PTPRD: variants seen among roughly 807,000 people sequenced by gnomAD.
PTPRD encodes receptor-type tyrosine-protein phosphatase delta.
In PTPRD, 34 loss-of-function variants were observed where a neutral mutation model predicts 214.5. That is an observed-to-expected ratio of 0.16 (90% CI 0.12 to 0.21). PTPRD has a LOEUF of 0.21. Ranked by LOEUF, PTPRD falls within the 10% of genes least tolerant of loss-of-function variation. The pLI is 1.00. For missense variants in PTPRD, 2,545 were observed against 2,398.7 expected (o/e 1.06, Z -1.27); for synonymous variants, 1,128 against 845.7 (o/e 1.33, Z -5.79).
At chr9:9,518,006 T>C (rs2096878056) in intron 8 of PTPRD, among the ~76,000 whole-genome samples, 1 of 152,100 alleles carries the variant, frequency 6.6e-6, no homozygotes, top group African/African-American at 2.4e-5. Context: ...ACTCAATGCA[T>C]TAATAACTAT....
intron 6 of PTPRD, among the ~76,000 whole-genome samples, chr9:9,734,776 A>G (rs1325852760): frequency 6.6e-6 from 1 of 152,142 alleles, no homozygotes; most frequent in Non-Finnish European, 1.5e-5. Context: ...CCATTAAAAC[A>G]AAGGAAAAAA....
At chr9:10,140,764 C>A (rs1293184461) in intron 3 of PTPRD, among the ~76,000 whole-genome samples, 1 of 152,076 alleles carries the variant, frequency 6.6e-6, no homozygotes, top group Admixed American at 6.6e-5. Flanking sequence ...CCAGCATCAT[C>A]CTGATACCAA....
intron 3 of PTPRD, among the ~76,000 whole-genome samples, chr9:10,339,131 T>C (rs2096894882): frequency 6.6e-6 from 1 of 151,714 alleles, no homozygotes; most frequent in Non-Finnish European, 1.5e-5. Context: ...GTTTGTAAAA[T>C]GAGGAGAGTC....
intron 14 of PTPRD, among the ~76,000 whole-genome samples, chr9:8,565,638 C>A (rs537355095): frequency 6.6e-6 from 1 of 151,972 alleles, no homozygotes; most frequent in Non-Finnish European, 1.5e-5. Flanking sequence ...AAGAGCACAT[C>A]TAAAATGGAC....
chr9:10,039,493 A>C (rs2097256571), intron 3 of PTPRD, among the ~76,000 whole-genome samples: 1 of 152,070 alleles, frequency 6.6e-6, no homozygotes, highest in African/African-American at 2.4e-5. Context: ...AAAATGGTGA[A>C]AGTTACACAA....
At chr9:10,038,813 T>C (rs907288877) in intron 3 of PTPRD, among the ~76,000 whole-genome samples, 10 of 152,072 alleles carry the variant, frequency 6.6e-5, no homozygotes, top group Admixed American at 3.3e-4. Flanking sequence ...AATGTTGTAT[T>C]ATTATTGTAT....
At chr9:9,454,079 C>A (rs937148963) in intron 8 of PTPRD, among the ~76,000 whole-genome samples, 53 of 150,614 alleles carry the variant, frequency 3.5e-4, no homozygotes, top group African/African-American at 1.2e-3. Context: ...CAGATTCTTA[C>A]AGAAAAAAAA....
chr9:8,455,272 G>A (rs952937585), intron 33 of PTPRD, among the ~76,000 whole-genome samples: 2 of 152,042 alleles, frequency 1.3e-5, no homozygotes, highest in Non-Finnish European at 2.9e-5. Context: ...TATACAGTTG[G>A]GCTAATCCAG....
At chr9:10,517,659 T>G (rs926065351) in intron 2 of PTPRD, among the ~76,000 whole-genome samples, 1 of 152,060 alleles carries the variant, frequency 6.6e-6, no homozygotes, top group Non-Finnish European at 1.5e-5. Context: ...TATATACATA[T>G]ATACATTTAT....
chr9:9,508,708 G>A (rs955519807), intron 8 of PTPRD, among the ~76,000 whole-genome samples: 2 of 151,444 alleles, frequency 1.3e-5, no homozygotes, highest in African/African-American at 4.8e-5. Context: ...TCAATTCATT[G>A]TACTTATGGA....
At chr9:8,771,915 A>G (rs2095241694) in intron 11 of PTPRD, among the ~76,000 whole-genome samples, 4 of 152,172 alleles carry the variant, frequency 2.6e-5, no homozygotes, top group African/African-American at 7.2e-5. Context: ...GCTGGGTCAT[A>G]AACCAAATGC....
intron 2 of PTPRD, among the ~76,000 whole-genome samples, chr9:10,424,020 C>T (rs2098584113): frequency 6.6e-6 from 1 of 151,952 alleles, no homozygotes; most frequent in Non-Finnish European, 1.5e-5. Context: ...CGGAAAGCTA[C>T]TTCAGCGACT....
At chr9:10,118,339 G>C (rs1463383632) in intron 3 of PTPRD, among the ~76,000 whole-genome samples, 1 of 151,030 alleles carries the variant, frequency 6.6e-6, no homozygotes, top group Admixed American at 6.6e-5. Flanking sequence ...ATATATTAAT[G>C]TACATATCTT....
intron 2 of PTPRD, among the ~76,000 whole-genome samples, chr9:10,514,998 A>T (rs1451234780): frequency 1.3e-5 from 2 of 152,030 alleles, no homozygotes; most frequent in African/African-American, 4.8e-5. Flanking sequence ...CTGAAGAGGA[A>T]AAAAGAGAGA....
chr9:8,931,400 C>A (rs10453214), intron 11 of PTPRD, among the ~76,000 whole-genome samples: 2 of 151,828 alleles, frequency 1.3e-5, no homozygotes, highest in Non-Finnish European at 2.9e-5. Context: ...TAGCGGGATG[C>A]CTCCAGCTTT....
intron 12 of PTPRD, among the ~76,000 whole-genome samples, chr9:8,646,135 G>C (rs1364632608): frequency 6.6e-6 from 1 of 151,786 alleles, no homozygotes; most frequent in African/African-American, 2.4e-5. Flanking sequence ...ACAGTGCATG[G>C]GACTGGGTAA....
intron 3 of PTPRD, among the ~76,000 whole-genome samples, chr9:10,097,847 T>C (rs888275630): frequency 9.2e-5 from 14 of 151,606 alleles, no homozygotes; most frequent in African/African-American, 3.1e-4. Context: ...CCAGCTTTTG[T>C]CCATTCAGTA....
chr9:9,063,349 A>T (rs1227695833), intron 10 of PTPRD, among the ~76,000 whole-genome samples: 4 of 152,144 alleles, frequency 2.6e-5, no homozygotes, highest in Non-Finnish European at 5.9e-5. Flanking sequence ...AAATAGCAGA[A>T]TGATGATTTA....
intron 9 of PTPRD, among the ~76,000 whole-genome samples, chr9:9,327,221 T>C (rs149504445): frequency 1.4e-3 from 218 of 152,278 alleles, no homozygotes; most frequent in Non-Finnish European, 2.2e-3. Context: ...AAATCCCATA[T>C]GTAAACAACA....
Sources: gnomAD v4.1 joint callset for allele counts (sites outside exome capture counted in the v4.1 genomes callset) on GRCh38, gnomAD v4.1.1 for gene constraint, MANE v1.5 for transcripts, NCBI Gene and HGNC (gene_info 2026-07-23, HGNC 2026-07-21) for gene names.